The following DNAH11 variants were observed in gnomAD, a reference collection of about 807,000 sequenced individuals.
DNAH11 encodes axonemal beta dynein heavy chain 11.
A neutral mutation model predicts 526.0 loss-of-function variants in DNAH11; 442 were observed. That is an observed-to-expected ratio of 0.84 (90% confidence interval 0.78 to 0.91). The LOEUF is 0.91. Among genes scored for constraint, DNAH11 ranks in the 40% least tolerant of loss-of-function variants. The pLI is 0.00. For synonymous variants in DNAH11, 2,461 were observed against 1,935.9 expected (o/e 1.27, Z -7.12); for missense variants, 6,989 against 5,448.7 (o/e 1.28, Z -8.90).
At chr7:21,672,460 A>AT (rs958702336) in intron 30 of DNAH11, among the ~76,000 whole-genome samples, 11 of 151,542 alleles carry the variant, frequency 7.3e-5, no homozygotes, top group Admixed American at 5.9e-4. Flanking sequence ...TAAGTTTTAC[A>AT]TTTTTTTGTA....
chr7:21,816,371 A>G (rs1390164314), intron 63 of DNAH11, 96 bp from the exon 64 acceptor site: 2 of 935,010 alleles, frequency 2.1e-6, no homozygotes, highest in Non-Finnish European at 3.3e-6. Flanking sequence ...GTGTTTACCT[A>G]GGGTTACTTT....
At chr7:21,658,095 A>G (rs1420693631) in intron 29 of DNAH11, among the ~76,000 whole-genome samples, 4 of 152,144 alleles carry the variant, frequency 2.6e-5, no homozygotes, top group Non-Finnish European at 5.9e-5. Flanking sequence ...ATAACAAAAT[A>G]CATTTGAACA....
At chr7:21,553,721 A>T (rs1783109548) in intron 2 of DNAH11, among the ~76,000 whole-genome samples, 1 of 152,130 alleles carries the variant, frequency 6.6e-6, no homozygotes, top group South Asian at 2.1e-4. Flanking sequence ...CTTTGTGTCG[A>T]AATCTGTCAT....
At chr7:21,865,421 C>G (rs1783235411) in intron 70 of DNAH11, among the ~76,000 whole-genome samples, 1 of 152,106 alleles carries the variant, frequency 6.6e-6, no homozygotes, top group African/African-American at 2.4e-5. Flanking sequence ...ACAGATGGCA[C>G]ATTCAAAAGG....
intron 28 of DNAH11, among the ~76,000 whole-genome samples, chr7:21,647,427 C>CTT (rs71026810): frequency 0.34 from 41,232 of 120,936 alleles, 8,248 homozygotes; most frequent in Non-Finnish European, 0.46. Context: ...TTCTTTCTTT[C>CTT]TTTTTTTTTT....
intron 8 of DNAH11, among the ~76,000 whole-genome samples, chr7:21,574,856 A>G (rs1362810518): frequency 2.1e-4 from 28 of 130,332 alleles, no homozygotes; most frequent in Non-Finnish European, 3.3e-4. Context: ...GGCGTGAGCC[A>G]CTGCACTGGG....
At position 21,879,487 on chromosome 7, in the gene DNAH11, C is replaced by A. The variant is rs184716959; in HGVS notation, c.12196-1215C>A. Among the ~76,000 whole-genome samples the A allele has an allele frequency of 1.1e-4, 16 of 151,998 alleles. No individual in the cohort carries two copies. In the East Asian group the frequency reaches 2.9e-3, roughly 28 times the overall value. ...TAAACAAAAAAAAAACCTCACAGGT[C>A]TAGACACATGTTTCCCAATTTTCCA... On this transcript the variant is annotated intron_variant, in intron 74 of 81. Transcript: ENST00000409508.
rs1562554533 is a variant in DNAH11, at chr7:21,801,275, A to AGTT, written c.10165+1_10165+3dup. The AGTT allele has an allele frequency of 5.0e-6, 8 of 1,613,698 alleles. No individual in the cohort carries two copies. The highest frequency in any genetic ancestry group is 1.3e-5 in the African/African-American group (1 of 74,950). On this transcript the variant is annotated stop_gained and protein_altering_variant and splice_region_variant. Coordinates refer to ENST00000409508, the MANE Select transcript of DNAH11 (RefSeq NM_001277115.2). LOFTEE classifies it high-confidence loss of function. ...CAGACTTGTCAAGGAACTTGAGGCA[A>AGTT]GTTAAACCTTTTCTTCCAAACATTC... is the stretch of plus-strand genomic sequence containing the variant.
rs72657365 is a variant in DNAH11 at position 21,742,112 on chromosome 7, G to T, written c.8100G>T (p.Thr2700=). 9.9e-6 allele frequency: 16 copies of T among 1,613,670 alleles called. No homozygotes were observed. The highest frequency in any genetic ancestry group is 1.3e-5 in the African/African-American group (1 of 74,868). The change falls in exon 49 of 82, where the codon ACG becomes ACT. Residue 2700 remains threonine (T), a synonymous_variant. Coordinates refer to ENST00000409508, the MANE Select transcript of DNAH11 (RefSeq NM_001277115.2). Reference sequence around the variant, plus strand: ...CAATGATGTGTAACTTTTTACCCACGGCTATTAAATTCCACTACATCTTTA... The same window carrying T: ...CAATGATGTGTAACTTTTTACCCACTGCTATTAAATTCCACTACATCTTTA... ...HQTMMCNFLP[T]AIKFHYIFNL... is the part of the protein sequence containing the mutation.
At chr7:21,716,762 C>A (rs919930035) in intron 42 of DNAH11, among the ~76,000 whole-genome samples, 28 of 152,288 alleles carry the variant, frequency 1.8e-4, no homozygotes, top group African/African-American at 6.7e-4. Context: ...TACTCTTATG[C>A]AATTGGACTT....
At chr7:21,803,211 T>G (rs1358159866) in intron 62 of DNAH11, among the ~76,000 whole-genome samples, 1 of 152,160 alleles carries the variant, frequency 6.6e-6, no homozygotes, top group African/African-American at 2.4e-5. Context: ...GAAATGCATT[T>G]GGCTGGAGGT....
chr7:21,642,858 G>A (rs1156799126), intron 28 of DNAH11, among the ~76,000 whole-genome samples: 1 of 152,052 alleles, frequency 6.6e-6, no homozygotes, highest in Non-Finnish European at 1.5e-5. Context: ...CCCAGTTTAA[G>A]ATACAAGAGT....
In DNAH11 at chr7:21,635,923, A is replaced by C. The variant is rs1786842478; in HGVS notation, c.4553A>C (p.Gln1518Pro). Reference protein sequence around the residue: ...QSKYVEYFIEQVLSWQNKLNI... With the variant: ...QSKYVEYFIEPVLSWQNKLNI... ...AAGTATGTAGAATATTTCATTGAGCAAGTGTTAAGCTGGCAAAATAAATTA... is the reference window on the plus strand; with the variant it reads ...AAGTATGTAGAATATTTCATTGAGCCAGTGTTAAGCTGGCAAAATAAATTA... Residue 1518 changes from glutamine to proline, a missense_variant, in exon 26 of 82, where the codon CAA becomes CCA. Physicochemically the swap from Gln to Pro is moderately conservative, Grantham distance 76 (BLOSUM62 -1). Coordinates refer to ENST00000409508, the MANE Select transcript of DNAH11 (RefSeq NM_001277115.2). 1 of 1,613,300 alleles carries C rather than the reference A, an allele frequency of 6.2e-7. No homozygotes were observed. The highest frequency in any genetic ancestry group is 8.5e-7 in the Non-Finnish European group (1 of 1,179,642).
intron 76 of DNAH11, among the ~76,000 whole-genome samples, chr7:21,890,856 GT>G (rs1784302739): frequency 6.6e-6 from 1 of 152,076 alleles, no homozygotes; most frequent in Non-Finnish European, 1.5e-5. Flanking sequence ...TATTCATCGG[GT>G]CAAGATTTCC....
intron 41 of DNAH11, among the ~76,000 whole-genome samples, chr7:21,711,497 A>T (rs1784462317): frequency 6.6e-6 from 1 of 152,230 alleles, no homozygotes; most frequent in Admixed American, 6.5e-5. Context: ...ACAATTATGT[A>T]AAGGTCGACA....
intron 25 of DNAH11, among the ~76,000 whole-genome samples, chr7:21,622,058 A>G (rs1345530903): frequency 3.3e-5 from 5 of 152,126 alleles, no homozygotes; most frequent in African/African-American, 1.2e-4. Flanking sequence ...ATGATTGTAT[A>G]TCTAGAAAAC....
intron 79 of DNAH11, among the ~76,000 whole-genome samples, chr7:21,896,645 A>T (rs1044725560): frequency 6.6e-6 from 1 of 152,188 alleles, no homozygotes; most frequent in Non-Finnish European, 1.5e-5. Context: ...CCTCATGTCT[A>T]CATTTATCTG....
chr7:21,747,784 A>T (rs1190865994), intron 51 of DNAH11, among the ~76,000 whole-genome samples: 2 of 152,232 alleles, frequency 1.3e-5, no homozygotes, highest in Non-Finnish European at 2.9e-5. Flanking sequence ...CAAGTGCTTG[A>T]TTTGCTGAGT....
chr7:21,614,876 C>A (rs1019319378), intron 20 of DNAH11, among the ~76,000 whole-genome samples: 1 of 152,110 alleles, frequency 6.6e-6, no homozygotes, highest in Admixed American at 6.5e-5. Context: ...TTTGCTAATA[C>A]GTGTATAGGG....
Sources: allele counts gnomAD v4.1 joint callset (sites outside exome capture counted in the v4.1 genomes callset), GRCh38; gene constraint gnomAD v4.1.1; transcripts MANE v1.5; gene names NCBI Gene and HGNC (gene_info 2026-07-23, HGNC 2026-07-21).